Variants in MBTPS2 observed in about 807,000 individuals in gnomAD.
MBTPS2 encodes membrane bound transcription factor peptidase, site 2.
Under a neutral mutation model 35.4 loss-of-function variants are expected in MBTPS2, and 2 were observed. The observed-to-expected ratio is 0.06, with a 90% CI of 0.02 to 0.18. MBTPS2 has a LOEUF of 0.18. MBTPS2 is among the 10% of genes least tolerant of loss of function. The pLI, the probability that MBTPS2 is intolerant of heterozygous loss-of-function variation, is 1.00. For missense variants in MBTPS2, 244 were observed against 386.5 expected, an observed-to-expected ratio of 0.63 and a Z score of 3.09; for synonymous variants, 125 against 140.4, an observed-to-expected ratio of 0.89 and a Z score of 0.77.
rs556765004 is a variant in MBTPS2, at chrX:21,857,753, T to C, written c.670+4250T>C. 5.2e-4 allele frequency: 330 copies of C among 639,529 alleles called. 1 individual carries two copies. In the South Asian group the frequency reaches 0.013, roughly 25 times the overall value. 52.7% of individuals were successfully genotyped at this position (639,529 alleles called of 1,213,427 possible). ...TAAGGTTCGTGTTTTGTTAGAGTAGTAAAAATAGAATTTAAACGTTTTTAA... is the reference window on the plus strand; with the variant it reads ...TAAGGTTCGTGTTTTGTTAGAGTAGCAAAAATAGAATTTAAACGTTTTTAA... On this transcript the variant is annotated intron_variant, in intron 5 of 10. Coordinates refer to ENST00000379484, the MANE Select transcript of MBTPS2 (RefSeq NM_015884.4).
intron 5 of MBTPS2, among the ~76,000 whole-genome samples, chrX:21,862,015 A>G (rs1163391544): frequency 8.9e-6 from 1 of 111,733 alleles, no homozygotes; most frequent in Admixed American, 9.6e-5. Context: ...TGTTGATCGG[A>G]TAACTCTGTA....
chrX:21,876,042 T>G (rs1317963057), intron 7 of MBTPS2, among the ~76,000 whole-genome samples: 3 of 111,249 alleles, frequency 2.7e-5, no homozygotes, highest in Non-Finnish European at 5.7e-5. Flanking sequence ...GAGGAGGAGG[T>G]AAAAATCCAT....
At chrX:21,872,988 A>G (rs976739575) in intron 7 of MBTPS2, 35 of 111,051 alleles carry the variant, frequency 3.2e-4, no homozygotes, top group African/African-American at 1.1e-3. Context: ...CAATGATCCA[A>G]AAGTTATTCA....
chrX:21,839,670 G>T lies in MBTPS2; in HGVS notation c.-65G>T. ...TGGGGCTGTAAGGCGCGCGCGGTCA[G>T]CTGTTGGCGGTGCAGGGAGGAGGAC... On this transcript the variant is annotated 5_prime_UTR_variant, in exon 1 of 11. Transcript: ENST00000379484. 1 of 1,101,488 alleles carries T rather than the reference G, an allele frequency of 9.1e-7. No homozygotes were observed. Among genetic ancestry groups the T allele is most frequent in the Non-Finnish European group, 1.2e-6 (1 of 813,154 alleles). 90.8% of individuals were successfully genotyped at this position (1,101,488 alleles called of 1,213,427 possible). A position where few individuals can be genotyped will look rare whatever the true frequency, so the allele number is the denominator to read the frequency against.
chrX:21,851,655 AG>A (rs1254064727), intron 4 of MBTPS2, 43 bp downstream of exon 4: 1 of 903,689 alleles, frequency 1.1e-6, no homozygotes, highest in Non-Finnish European at 1.6e-6. Context: ...TGCAAAAAAA[AG>A]CTTTTCATTT....
chrX:21,878,564 A>G lies in MBTPS2; in HGVS notation c.1133A>G (p.Lys378Arg), dbSNP rs1449634970. ...GTTTGCAGAACCAATAAAGACTGTA[A>G]AAAAAGCTCAAGTTCAAGTTTCTGT... is the stretch of plus-strand genomic sequence containing the variant. ...TQVCRTNKDC[K>R]KSSSSSFCII... Residue 378 changes from lysine (K) to arginine (R), a missense_variant, in exon 9 of 11, where the codon AAA becomes AGA. By Grantham distance (26) the Lys-to-Arg change is conservative. Transcript: ENST00000379484. 6.6e-6 allele frequency: 8 copies of G among 1,207,411 alleles called. No individual in the cohort carries two copies. In the African/African-American group the frequency reaches 1.0e-4, roughly 16 times the overall value.
intron 1 of MBTPS2, among the ~76,000 whole-genome samples, chrX:21,842,917 T>C (rs752581949): frequency 8.9e-6 from 1 of 112,027 alleles, no homozygotes; most frequent in South Asian, 3.8e-4. Flanking sequence ...TATTCTTAGC[T>C]CACAAGTTGT....
intron 7 of MBTPS2, chrX:21,872,520 C>G (rs1275857538): frequency 9.4e-6 from 1 of 106,930 alleles, no homozygotes; most frequent in Admixed American, 1.0e-4. Flanking sequence ...TTTTCAAGCC[C>G]TGGGCTGTCC....
chrX:21,879,724 A>G (rs955706961), intron 9 of MBTPS2, among the ~76,000 whole-genome samples: 22 of 110,003 alleles, frequency 2.0e-4, no homozygotes, highest in African/African-American at 4.4e-4. Flanking sequence ...GCAATCTCCA[A>G]TCTACTTTCT....
intron 3 of MBTPS2, among the ~76,000 whole-genome samples, chrX:21,848,332 C>T (rs2092910776): frequency 9.2e-6 from 1 of 109,175 alleles, no homozygotes. Context: ...AGCAGGAGAA[C>T]TGCCTGAACC....
intron 5 of MBTPS2, 85 bp downstream of exon 5, chrX:21,853,588 C>A: frequency 1.1e-6 from 1 of 905,585 alleles, no homozygotes; most frequent in Non-Finnish European, 1.6e-6. Context: ...AAATATATCA[C>A]AAATGACAAT....
intron 7 of MBTPS2, among the ~76,000 whole-genome samples, chrX:21,876,400 C>T (rs1284676558): frequency 9.1e-6 from 1 of 110,492 alleles, no homozygotes; most frequent in African/African-American, 3.3e-5. Context: ...CCCATTGCTA[C>T]TAAAAATACA....
intron 5 of MBTPS2, among the ~76,000 whole-genome samples, chrX:21,854,191 A>G (rs2092917859): frequency 8.9e-6 from 1 of 112,271 alleles, no homozygotes; most frequent in Admixed American, 9.5e-5. Flanking sequence ...CAAGAAATAG[A>G]GGCTTGAGTA....
intron 5 of MBTPS2, among the ~76,000 whole-genome samples, chrX:21,860,105 A>G (rs1365209264): frequency 1.9e-5 from 2 of 104,034 alleles, no homozygotes; most frequent in Admixed American, 2.1e-4. Context: ...AAAAAAAAAA[A>G]AAAGAGAAAA....
chrX:21,853,460 G>A lies in MBTPS2; in HGVS notation c.627G>A (p.Leu209=). 8.3e-7 allele frequency: 1 copy of A among 1,207,830 alleles called. No individual in the cohort carries two copies. The highest frequency in any genetic ancestry group is 1.1e-6 in the Non-Finnish European group (1 of 892,290). Residue 209 remains leucine (L), a synonymous_variant, in exon 5 of 11, where the codon TTG becomes TTA. Coordinates refer to ENST00000379484, the MANE Select transcript of MBTPS2 (RefSeq NM_015884.4). Reference sequence around the variant, plus strand: ...TTGTTGATCTGTTCACCACTCATTTGCAACTTATATCGCCAGTCCAGCAGC... The same window carrying A: ...TTGTTGATCTGTTCACCACTCATTTACAACTTATATCGCCAGTCCAGCAGC... ...GAFVDLFTTH[L]QLISPVQQLR...
rs1166546035 is a variant in MBTPS2 at position 21,839,703 on chromosome X, C to T, written c.-32C>T. On this transcript the variant is annotated 5_prime_UTR_variant, in exon 1 of 11. Transcript: ENST00000379484. ...CGGTGCAGGGAGGAGGACGCCGGGGCTCGCCTTCCCTCCTCTGCCGCCGCT... is the reference window on the plus strand; with the variant it reads ...CGGTGCAGGGAGGAGGACGCCGGGGTTCGCCTTCCCTCCTCTGCCGCCGCT... The T allele has an allele frequency of 2.0e-5, 23 of 1,164,651 alleles. No homozygotes were observed. The highest frequency in any genetic ancestry group is 2.5e-5 in the Non-Finnish European group (22 of 869,570).
rs749869075 is a variant in MBTPS2, at chrX:21,864,425, G to A, written c.671-4042G>A. On this transcript the variant is annotated intron_variant, in intron 5 of 10. Transcript: ENST00000379484. ...ATTTTTTATGTTTTTTTAGAGATGG[G>A]GTTTCACCACGTTGGCCAGGCTGGT... is the stretch of plus-strand genomic sequence containing the variant. 5.4e-5 allele frequency among the ~76,000 whole-genome samples: 6 copies of A among 111,123 alleles called. No homozygotes were observed. In the South Asian group the frequency reaches 2.3e-3, roughly 42 times the overall value.
chrX:21,849,899 G>A (rs1413812235), intron 3 of MBTPS2, among the ~76,000 whole-genome samples: 4 of 106,452 alleles, frequency 3.8e-5, no homozygotes, highest in African/African-American at 1.4e-4. Flanking sequence ...GGTGGCGGGC[G>A]CCTGTAGTCC....
Position 21,880,857 on chromosome X carries a change from G to A in MBTPS2, c.1262-40G>A, listed in dbSNP as rs752414496. ...AATTCATAATGCTGTTGATTCTCTG[G>A]TATGAATAATATTTATTATTCCTTA... On this transcript the variant is annotated intron_variant, in intron 9 of 10. Coordinates refer to ENST00000379484, the MANE Select transcript of MBTPS2 (RefSeq NM_015884.4). The A allele has an allele frequency of 1.0e-5, 9 of 902,900 alleles. No individual in the cohort carries two copies. The South Asian group carries it at 1.2e-4, about 12-fold the overall frequency. The allele number at this position is 902,900 out of a possible 1,213,427, so 74.4% of individuals were successfully genotyped here. A position where few individuals can be genotyped will look rare whatever the true frequency, so the allele number is the denominator to read the frequency against.
Sources: gnomAD v4.1 joint callset for allele counts (sites outside exome capture counted in the v4.1 genomes callset) on GRCh38, gnomAD v4.1.1 for gene constraint, MANE v1.5 for transcripts, NCBI Gene and HGNC (gene_info 2026-07-23, HGNC 2026-07-21) for gene names.